PCCA: variants seen among roughly 807,000 people sequenced by gnomAD.
PCCA encodes the protein propionyl-CoA carboxylase subunit alpha.
A neutral mutation model predicts 101.3 loss-of-function variants in PCCA; 74 were observed. The observed-to-expected ratio is 0.73, with a 90% confidence interval of 0.61 to 0.89. The LOEUF (loss-of-function observed/expected upper bound fraction) is 0.89, where lower values mean the gene tolerates loss of function less well. Among genes scored for constraint, PCCA ranks in the 40% least tolerant of loss-of-function variants. PCCA has a pLI of 0.00. For synonymous variants in PCCA, 294 were observed against 313.6 expected, an observed-to-expected ratio of 0.94 and a Z score of 0.66; for missense variants, 891 against 907.0, an observed-to-expected ratio of 0.98 and a Z score of 0.23.
chr13:100,433,221 C>G (rs1217176642), intron 20 of PCCA, among the ~76,000 whole-genome samples: 1 of 152,184 alleles, frequency 6.6e-6, no homozygotes, highest in Non-Finnish European at 1.5e-5. Context: ...AGTTGCTGCA[C>G]CATTTTACAT....
rs756496977 is a variant in PCCA, at chr13:100,273,238, A to C, written c.957A>C (p.Gln319His). The C allele has an allele frequency of 3.7e-6, 6 of 1,612,050 alleles. No individual in the cohort carries two copies. The South Asian group carries it at 6.6e-5, about 18-fold the overall frequency. ...AGACTCGAAGAGCGATGGGAGAACA[A>C]GCTGTAGCTCTTGCCAGAGCAGTAA... ...DAETRRAMGE[Q>H]AVALARAVKY... The change falls in exon 12 of 24, where the codon CAA (glutamine) becomes CAC (histidine). Residue 319 changes from glutamine to histidine, a missense_variant. Transcript: ENST00000376285.
At chr13:100,422,070 TTTTCTTTCTTTCTTTC>T (rs1555454057) in intron 19 of PCCA, among the ~76,000 whole-genome samples, 105 of 110,704 alleles carry the variant, frequency 9.5e-4, no homozygotes, top group African/African-American at 2.7e-3. Context: ...TTCTCTTTTC[TTTTCTTTCTTTCTTTC>T]TTTCTTTCTT....
chr13:100,464,555 C>G (rs939234926), intron 21 of PCCA: 2 of 152,122 alleles, frequency 1.3e-5, no homozygotes, highest in Non-Finnish European at 2.9e-5. Flanking sequence ...ACCGAGTCTT[C>G]AATTTGGTGC....
At chr13:100,239,539 C>G (rs2060996938) in intron 8 of PCCA, among the ~76,000 whole-genome samples, 1 of 152,098 alleles carries the variant, frequency 6.6e-6, no homozygotes. Context: ...TTCTCTCATT[C>G]TTGTTCCTGA....
chr13:100,273,138 A>C (rs1354352414), intron 11 of PCCA, 58 bp from the exon 12 acceptor site: 1 of 1,361,576 alleles, frequency 7.3e-7, no homozygotes, highest in Non-Finnish European at 1.1e-6. Flanking sequence ...TGTAATGCAC[A>C]CAAAAGATAA....
intron 1 of PCCA, among the ~76,000 whole-genome samples, chr13:100,091,320 A>G (rs2046262079): frequency 6.6e-6 from 1 of 152,196 alleles, no homozygotes; most frequent in African/African-American, 2.4e-5. Flanking sequence ...ATACGCTTTG[A>G]TGATTCTTAC....
chr13:100,520,451 C>CCTGGCTAACAA (rs1555328979), intron 22 of PCCA, among the ~76,000 whole-genome samples: 1 of 151,696 alleles, frequency 6.6e-6, no homozygotes, highest in Non-Finnish European at 1.5e-5. Flanking sequence ...ATCGAGACCA[C>CCTGGCTAACAA]GGTGAAACCC....
chr13:100,311,424 C>T (rs997305061), intron 16 of PCCA, among the ~76,000 whole-genome samples: 1 of 152,038 alleles, frequency 6.6e-6, no homozygotes, highest in East Asian at 1.9e-4. Context: ...TGTTCAATAA[C>T]TTTAGTTGTC....
intron 22 of PCCA, among the ~76,000 whole-genome samples, chr13:100,522,598 G>C (rs2087397076): frequency 6.6e-6 from 1 of 152,158 alleles, no homozygotes; most frequent in Non-Finnish European, 1.5e-5. Flanking sequence ...CTGGGTTTGG[G>C]CAACAAAAAG....
intron 6 of PCCA, among the ~76,000 whole-genome samples, chr13:100,180,124 T>C (rs933899560): frequency 6.6e-6 from 1 of 152,186 alleles, no homozygotes; most frequent in African/African-American, 2.4e-5. Flanking sequence ...TGTGGTGCAC[T>C]TCTGTATCAC....
chr13:100,344,312 A>T (rs1311883675), intron 18 of PCCA, among the ~76,000 whole-genome samples: 1 of 152,218 alleles, frequency 6.6e-6, no homozygotes, highest in Non-Finnish European at 1.5e-5. Flanking sequence ...TGGTAATAAC[A>T]AAAGTGCAAG....
chr13:100,170,876 G>A (rs1453021881), intron 6 of PCCA, among the ~76,000 whole-genome samples: 9 of 152,246 alleles, frequency 5.9e-5, no homozygotes, highest in South Asian at 4.2e-4. Context: ...TCAGCATAGC[G>A]TACAGTAGCC....
At chr13:100,500,752 A>G (rs1014864948) in intron 21 of PCCA, among the ~76,000 whole-genome samples, 1 of 152,246 alleles carries the variant, frequency 6.6e-6, no homozygotes, top group Non-Finnish European at 1.5e-5. Context: ...TTGAGGCCAG[A>G]GAAAAATTAA....
At chr13:100,281,052 G>A (rs74113881) in intron 12 of PCCA, among the ~76,000 whole-genome samples, 1 of 152,062 alleles carries the variant, frequency 6.6e-6, no homozygotes, top group Non-Finnish European at 1.5e-5. Flanking sequence ...TGATCACATC[G>A]ACTGTATGAT....
At chr13:100,525,467 A>G (rs554364137) in intron 22 of PCCA, among the ~76,000 whole-genome samples, 4 of 152,354 alleles carry the variant, frequency 2.6e-5, no homozygotes, top group Non-Finnish European at 5.9e-5. Flanking sequence ...GCTCCTGTCC[A>G]CCACCCACTT....
At chr13:100,193,641 G>A (rs1391795046) in intron 6 of PCCA, among the ~76,000 whole-genome samples, 2 of 152,146 alleles carry the variant, frequency 1.3e-5, no homozygotes, top group Non-Finnish European at 2.9e-5. Flanking sequence ...ATAAACAAAT[G>A]TCAGCTTGGG....
At chr13:100,453,284 C>T (rs1441648335) in intron 21 of PCCA, among the ~76,000 whole-genome samples, 2 of 151,960 alleles carry the variant, frequency 1.3e-5, no homozygotes, top group Non-Finnish European at 2.9e-5. Context: ...GGAGGATCAC[C>T]TGGGTCAGGA....
rs942104433 is a variant in PCCA at position 100,417,122 on chromosome 13, C to T, written c.1747-8511C>T. ...CCTCCCAAAGTGCTGGGATTACAGG[C>T]GTGAGCCACCGTGCCCGGCCTGTCA... On this transcript the variant is annotated intron_variant, in intron 19 of 23. Coordinates refer to ENST00000376285, the MANE Select transcript of PCCA (RefSeq NM_000282.4). Among the ~76,000 whole-genome samples the T allele has an allele frequency of 4.6e-5, 7 of 152,296 alleles. No homozygotes were observed. The East Asian group carries it at 9.7e-4, about 21-fold the overall frequency.
intron 21 of PCCA, among the ~76,000 whole-genome samples, chr13:100,476,580 G>A (rs1349426936): frequency 1.3e-5 from 2 of 152,196 alleles, no homozygotes; most frequent in African/African-American, 4.8e-5. Context: ...ATGGAAGTTT[G>A]TGATCCATTT....
Sources: gnomAD v4.1 joint callset for allele counts (sites outside exome capture counted in the v4.1 genomes callset) on GRCh38, gnomAD v4.1.1 for gene constraint, MANE v1.5 for transcripts, NCBI Gene and HGNC (gene_info 2026-07-23, HGNC 2026-07-21) for gene names.